The following NCKAP5 variants were observed in gnomAD, a reference collection of about 807,000 sequenced individuals.
NCKAP5 encodes the protein nck-associated protein 5.
A neutral mutation model predicts 167.0 loss-of-function variants in NCKAP5; 92 were observed. The ratio of observed to expected loss-of-function variants is 0.55; its 90% CI spans 0.47 to 0.66. The LOEUF is 0.66. Ranked by LOEUF, NCKAP5 falls within the 30% of genes least tolerant of loss-of-function variation. The pLI is 0.00. For synonymous variants in NCKAP5, 891 were observed against 877.4 expected (o/e 1.02, Z -0.27); for missense variants, 2,378 against 2,315.0 (o/e 1.03, Z -0.56).
chr2:133,318,416 T>C (rs1005724710), intron 3 of NCKAP5, among the ~76,000 whole-genome samples: 1 of 152,226 alleles, frequency 6.6e-6, no homozygotes, highest in Non-Finnish European at 1.5e-5. Context: ...TCCACAGATA[T>C]CTTGTGGTAC....
At chr2:132,678,702 A>C (rs1423754352) in intron 19 of NCKAP5, among the ~76,000 whole-genome samples, 1 of 152,186 alleles carries the variant, frequency 6.6e-6, no homozygotes, top group African/African-American at 2.4e-5. Flanking sequence ...TACAAATGAG[A>C]AAATGCAGAT....
At chr2:133,192,192 T>A (rs2085255786) in intron 5 of NCKAP5, among the ~76,000 whole-genome samples, 1 of 152,028 alleles carries the variant, frequency 6.6e-6, no homozygotes, top group Admixed American at 6.6e-5. Context: ...TAATTCCATG[T>A]GGGAAAAACA....
At chr2:132,844,098 G>A (rs2105440258) in intron 11 of NCKAP5, among the ~76,000 whole-genome samples, 1 of 152,118 alleles carries the variant, frequency 6.6e-6, no homozygotes, top group East Asian at 1.9e-4. Flanking sequence ...TTAGGATTTA[G>A]ACTAACAGAA....
At chr2:133,219,197 G>A (rs2086555885) in intron 4 of NCKAP5, among the ~76,000 whole-genome samples, 2 of 152,166 alleles carry the variant, frequency 1.3e-5, no homozygotes, top group African/African-American at 4.8e-5. Flanking sequence ...ATGCAAACAT[G>A]GAAAATTTCA....
chr2:132,735,826 G>A (rs1464982561), intron 16 of NCKAP5, among the ~76,000 whole-genome samples: 1 of 152,186 alleles, frequency 6.6e-6, no homozygotes, highest in Non-Finnish European at 1.5e-5. Flanking sequence ...AAGCCATCGG[G>A]TAGTTGCAGG....
chr2:132,969,905 T>C (rs547116079), intron 7 of NCKAP5, among the ~76,000 whole-genome samples: 3 of 152,338 alleles, frequency 2.0e-5, no homozygotes, highest in Admixed American at 2.0e-4. Context: ...TGTTTCTTAA[T>C]CATTTAAGAT....
chr2:133,357,288 G>GACACACACACAC (rs10635907), intron 3 of NCKAP5, among the ~76,000 whole-genome samples: 18 of 140,266 alleles, frequency 1.3e-4, no homozygotes, highest in East Asian at 1.0e-3. Flanking sequence ...CACATACACA[G>GACACACACACAC]ACACACACAC....
intron 5 of NCKAP5, among the ~76,000 whole-genome samples, chr2:133,136,196 A>G (rs944942338): frequency 1.1e-4 from 16 of 152,336 alleles, no homozygotes; most frequent in African/African-American, 3.8e-4. Context: ...GTATGGTATG[A>G]GAAAACTTCA....
chr2:133,297,166 AGT>A (rs60321858), intron 4 of NCKAP5, among the ~76,000 whole-genome samples: 9,562 of 141,964 alleles, frequency 0.067, 485 homozygotes, highest in African/African-American at 0.15. Flanking sequence ...AGGTTGTCAC[AGT>A]GTGTGTGTGT....
At chr2:133,017,554 A>C (rs1415417056) in intron 6 of NCKAP5, among the ~76,000 whole-genome samples, 1 of 152,212 alleles carries the variant, frequency 6.6e-6, no homozygotes, top group Non-Finnish European at 1.5e-5. Context: ...AACATGGCTG[A>C]AGGTGCCCGA....
chr2:133,384,153 T>G (rs536084584), intron 3 of NCKAP5, among the ~76,000 whole-genome samples: 2 of 152,280 alleles, frequency 1.3e-5, no homozygotes, highest in South Asian at 2.1e-4. Context: ...CTGAATGGTA[T>G]TGCCTAAGTT....
At chr2:133,336,918 G>A (rs575242286) in intron 3 of NCKAP5, among the ~76,000 whole-genome samples, 1 of 152,294 alleles carries the variant, frequency 6.6e-6, no homozygotes, top group South Asian at 2.1e-4. Flanking sequence ...AGGGGCACTC[G>A]TTAAATACTG....
chr2:133,082,400 A>C (rs939713499), intron 6 of NCKAP5, among the ~76,000 whole-genome samples: 3 of 152,130 alleles, frequency 2.0e-5, no homozygotes, highest in Non-Finnish European at 4.4e-5. Context: ...TTGATGGAAG[A>C]GGTCTAAGAA....
intron 6 of NCKAP5, among the ~76,000 whole-genome samples, chr2:133,009,035 C>T (rs72842409): frequency 0.014 from 2,056 of 152,286 alleles, 28 homozygotes; most frequent in Non-Finnish European, 0.019. Context: ...GGAGTGTCTC[C>T]TTAGTCCTGA....
Position 133,387,200 on chromosome 2 carries a change from T to C in NCKAP5, c.70-84090A>G, listed in dbSNP as rs563623774. ...GGCTGGTACTGGTTGTTCCTTTCCATGTTTAGTGCTTCCTTCAGGAGCTCT... is the reference window on the plus strand; with the variant it reads ...GGCTGGTACTGGTTGTTCCTTTCCACGTTTAGTGCTTCCTTCAGGAGCTCT... On this transcript the variant is annotated intron_variant, in intron 3 of 19. Coordinates refer to ENST00000409261, the MANE Select transcript of NCKAP5 (RefSeq NM_207363.3). Among the ~76,000 whole-genome samples the C allele has an allele frequency of 2.6e-5, 4 of 152,328 alleles. No homozygotes were observed. In the South Asian group the frequency reaches 6.2e-4, roughly 24 times the overall value.
chr2:133,074,203 T>C (rs2080516789), intron 6 of NCKAP5, among the ~76,000 whole-genome samples: 3 of 151,646 alleles, frequency 2.0e-5, no homozygotes, highest in African/African-American at 7.3e-5. Context: ...GAAAAAACAA[T>C]GAACAGAAAC....
intron 19 of NCKAP5, among the ~76,000 whole-genome samples, chr2:132,677,995 A>AATT (rs1381194083): frequency 6.6e-6 from 1 of 152,046 alleles, no homozygotes; most frequent in Non-Finnish European, 1.5e-5. Context: ...TTCACACAAA[A>AATT]ATTCACAGTA....
intron 16 of NCKAP5, among the ~76,000 whole-genome samples, chr2:132,765,308 CT>C (rs1170247644): frequency 0.12 from 13,865 of 114,258 alleles, 265 homozygotes; most frequent in African/African-American, 0.18. Context: ...TTCTTTCTTT[CT>C]TTTTTTTTTT....
chr2:132,796,845 G>A (rs182455222), intron 11 of NCKAP5, 116 bp from the exon 12 acceptor site: 4 of 685,474 alleles, frequency 5.8e-6, no homozygotes, highest in Admixed American at 2.7e-5. Flanking sequence ...GATAATACAT[G>A]TCCTAATTAA....
Sources: gnomAD v4.1 joint callset for allele counts (sites outside exome capture counted in the v4.1 genomes callset) on GRCh38, gnomAD v4.1.1 for gene constraint, MANE v1.5 for transcripts, NCBI Gene and HGNC (gene_info 2026-07-23, HGNC 2026-07-21) for gene names.